The following DENND4A variants were observed in gnomAD, a reference collection of about 807,000 sequenced individuals.
The protein encoded by DENND4A is DENN domain containing 4A.
In DENND4A, 70 loss-of-function variants were observed where a neutral mutation model predicts 199.3. The ratio of observed to expected loss-of-function variants is 0.35; its 90% CI spans 0.29 to 0.43. The LOEUF is 0.43. Ranked by LOEUF, DENND4A falls within the 20% of genes least tolerant of loss-of-function variation. DENND4A has a pLI of 1.00. For missense variants in DENND4A, 1,723 were observed against 2,255.8 expected, an observed-to-expected ratio of 0.76 and a Z score of 4.78; for synonymous variants, 686 against 766.9, an observed-to-expected ratio of 0.89 and a Z score of 1.74.
chr15:65,789,297 C>T (rs2077652473), intron 1 of DENND4A, among the ~76,000 whole-genome samples: 2 of 152,180 alleles, frequency 1.3e-5, no homozygotes. Flanking sequence ...CGGGATCCTC[C>T]TGCCTTGGCC....
chr15:65,732,863 T>C (rs776731683), intron 7 of DENND4A, 45 bp from the exon 8 acceptor site: 2 of 1,197,424 alleles, frequency 1.7e-6, no homozygotes, highest in Non-Finnish European at 2.4e-6. Flanking sequence ...GTGAACGTCA[T>C]ATGCTATAAA....
Position 65,738,941 on chromosome 15 carries a change from T to C in DENND4A, c.632-66A>G, listed in dbSNP as rs931957258. The C allele has an allele frequency of 1.3e-5, 16 of 1,228,146 alleles. No homozygotes were observed. In the Admixed American group the frequency reaches 4.1e-4, roughly 31 times the overall value. The allele number at this position is 1,228,146 out of a possible 1,614,324, so 76.1% of individuals were successfully genotyped here. ...ATTTAGGTACTTATTATTTCAATGA[T>C]GATAAAATGCTTTGTTATTTCACAC... On this transcript the variant is annotated intron_variant, in intron 5 of 32. Coordinates refer to ENST00000443035, the MANE Select transcript of DENND4A (RefSeq NM_001320835.1).
chr15:65,770,639 C>CAA (rs927080516), intron 1 of DENND4A, among the ~76,000 whole-genome samples: 8 of 152,172 alleles, frequency 5.3e-5, no homozygotes, highest in Non-Finnish European at 8.8e-5. Flanking sequence ...AGATTTTACA[C>CAA]AAAGTTAAAG....
At chr15:65,707,291 A>G (rs1379956709) in intron 14 of DENND4A, among the ~76,000 whole-genome samples, 2 of 152,210 alleles carry the variant, frequency 1.3e-5, no homozygotes, top group African/African-American at 4.8e-5. Flanking sequence ...AGGATGTTAT[A>G]CATATGACAA....
intron 1 of DENND4A, among the ~76,000 whole-genome samples, chr15:65,778,620 C>CTATAAAA (rs2077347621): frequency 6.6e-6 from 1 of 152,070 alleles, no homozygotes; most frequent in Non-Finnish European, 1.5e-5. Context: ...TGTTGCAGGC[C>CTATAAAA]AGATGCAGTG....
intron 12 of DENND4A, among the ~76,000 whole-genome samples, chr15:65,721,501 T>C (rs539568293): frequency 6.7e-6 from 1 of 148,434 alleles, no homozygotes; most frequent in Non-Finnish European, 1.5e-5. Context: ...GATAAAGAAA[T>C]GAAGGTTTAA....
chr15:65,741,686 T>C (rs1262256355), intron 5 of DENND4A, 29 bp downstream of exon 5: 2 of 1,594,282 alleles, frequency 1.3e-6, no homozygotes, highest in Non-Finnish European at 1.7e-6. Flanking sequence ...CATTTATATA[T>C]GAAGTATTGC....
At position 65,717,851 on chromosome 15, in the gene DENND4A, T is replaced by C. The variant is rs376473077; in HGVS notation, c.1734A>G (p.Arg578=). 4.4e-6 allele frequency: 7 copies of C among 1,604,138 alleles called. No individual in the cohort carries two copies. The highest frequency in any genetic ancestry group is 3.3e-4 in the Middle Eastern group (2 of 6,076). ...FFMASILKGY[R]SYLRPITQAP... Reference sequence around the variant, plus strand: ...CTTGTGTTATTGGCCTTAAGTATGATCTGTAACCTTTTAAAATAGAGGCCA... The same window carrying C: ...CTTGTGTTATTGGCCTTAAGTATGACCTGTAACCTTTTAAAATAGAGGCCA... The change falls in exon 13 of 33, where the codon AGA becomes AGG. Residue 578 remains arginine, a synonymous_variant. Coordinates refer to ENST00000443035, the MANE Select transcript of DENND4A (RefSeq NM_001320835.1).
intron 29 of DENND4A, 39 bp from the exon 30 acceptor site, chr15:65,665,501 T>A: frequency 6.9e-7 from 1 of 1,450,194 alleles, no homozygotes. Context: ...GATCCTTACA[T>A]GATAATTTTT....
intron 2 of DENND4A, among the ~76,000 whole-genome samples, chr15:65,757,117 T>G (rs2076724255): frequency 6.6e-6 from 1 of 152,154 alleles, no homozygotes; most frequent in African/African-American, 2.4e-5. Context: ...CTTGTAAGAA[T>G]GTAAGGGAAA....
chr15:65,769,839 G>A (rs1029868675), intron 1 of DENND4A, among the ~76,000 whole-genome samples: 16 of 152,034 alleles, frequency 1.1e-4, no homozygotes, highest in East Asian at 1.9e-4. Flanking sequence ...TCCATTAACC[G>A]AGTATGCAGC....
intron 23 of DENND4A, among the ~76,000 whole-genome samples, chr15:65,688,435 T>TA (rs2076865993): frequency 6.6e-6 from 1 of 152,334 alleles, no homozygotes; most frequent in Non-Finnish European, 1.5e-5. Context: ...CACTGAATAT[T>TA]ATGTTATGTA....
chr15:65,685,316 C>G (rs1280244219), intron 23 of DENND4A, among the ~76,000 whole-genome samples: 1 of 152,062 alleles, frequency 6.6e-6, no homozygotes, highest in Non-Finnish European at 1.5e-5. Flanking sequence ...TTAGTAGACA[C>G]GGGGTTTCAC....
intron 4 of DENND4A, 45 bp from the exon 5 acceptor site, chr15:65,741,829 G>A: frequency 3.3e-6 from 5 of 1,492,770 alleles, no homozygotes; most frequent in Non-Finnish European, 4.6e-6. Context: ...TTAAAAGGTA[G>A]GAACTTGATA....
intron 1 of DENND4A, among the ~76,000 whole-genome samples, chr15:65,764,815 A>T (rs2076938277): frequency 6.6e-6 from 1 of 151,958 alleles, no homozygotes; most frequent in African/African-American, 2.4e-5. Context: ...TGTACAAAAA[A>T]TTTAAAAATT....
chr15:65,722,579 T>C (rs1003096815), intron 12 of DENND4A, among the ~76,000 whole-genome samples: 1 of 152,052 alleles, frequency 6.6e-6, no homozygotes, highest in Non-Finnish European at 1.5e-5. Context: ...TATTTTAAGA[T>C]GGTTCTATAA....
intron 9 of DENND4A, among the ~76,000 whole-genome samples, chr15:65,730,480 T>G (rs1406455840): frequency 1.3e-5 from 2 of 152,100 alleles, no homozygotes; most frequent in Non-Finnish European, 2.9e-5. Context: ...CTATCCCAAA[T>G]GTCTATCAAC....
intron 23 of DENND4A, among the ~76,000 whole-genome samples, chr15:65,682,619 A>G (rs987221045): frequency 6.6e-6 from 1 of 152,232 alleles, no homozygotes; most frequent in Non-Finnish European, 1.5e-5. Context: ...ATTTCCTTCA[A>G]GAACTTTCCC....
chr15:65,769,680 G>C (rs1447025839), intron 1 of DENND4A, among the ~76,000 whole-genome samples: 1 of 151,884 alleles, frequency 6.6e-6, no homozygotes, highest in East Asian at 1.9e-4. Flanking sequence ...TTATGGTTTG[G>C]TATTGATTTT....
Sources: gnomAD v4.1 joint callset for allele counts (sites outside exome capture counted in the v4.1 genomes callset) on GRCh38, gnomAD v4.1.1 for gene constraint, MANE v1.5 for transcripts, NCBI Gene and HGNC (gene_info 2026-07-23, HGNC 2026-07-21) for gene names.